Variants in SENP8 observed in about 807,000 individuals in gnomAD.
SENP8 encodes sentrin-specific protease 8.
A neutral mutation model predicts 14.4 loss-of-function variants in SENP8; 10 were observed. The observed-to-expected ratio is 0.69, with a 90% confidence interval of 0.43 to 1.18. The LOEUF (loss-of-function observed/expected upper bound fraction) is 1.18, where lower values mean the gene tolerates loss of function less well. Among genes scored for constraint, SENP8 ranks in the 50% most tolerant of loss-of-function variants. The pLI is 0.00. For missense variants in SENP8, 202 were observed against 249.4 expected (o/e 0.81, Z 1.28); for synonymous variants, 94 against 95.5 (o/e 0.98, Z 0.09).
chr15:72,135,984 G>C (rs892385006), intron 1 of SENP8, among the ~76,000 whole-genome samples: 5 of 152,208 alleles, frequency 3.3e-5, no homozygotes, highest in Admixed American at 1.3e-4. Flanking sequence ...ATGAGAGACA[G>C]ATGCTGTAGC....
At chr15:72,114,554 G>C (rs924885488), upstream of SENP8, 4 of 152,084 alleles carry the variant, frequency 2.6e-5, no homozygotes, top group South Asian at 2.1e-4. Flanking sequence ...GTAGGAAATC[G>C]GGGGGAAGAA....
chr15:72,122,243 T>C (rs1048818282), intron 1 of SENP8, among the ~76,000 whole-genome samples: 4 of 147,304 alleles, frequency 2.7e-5, no homozygotes, highest in African/African-American at 1.0e-4. Context: ...ATCCAGCTAG[T>C]ACCCAAAGTA....
At chr15:72,118,124 C>A (rs1002341971), upstream of SENP8, 3 of 383,338 alleles carry the variant, frequency 7.8e-6, no homozygotes, top group Admixed American at 4.5e-5. Context: ...CGCGACTCCC[C>A]GGCTGCAGGC....
chr15:72,128,530 T>G (rs1179675125), intron 1 of SENP8, among the ~76,000 whole-genome samples: 2 of 152,258 alleles, frequency 1.3e-5, no homozygotes, highest in Non-Finnish European at 2.9e-5. Context: ...TCTGTGAGAT[T>G]CTCATATTTT....
intron 1 of SENP8, among the ~76,000 whole-genome samples, chr15:72,119,980 C>A (rs1423797695): frequency 6.6e-6 from 1 of 152,166 alleles, no homozygotes; most frequent in East Asian, 1.9e-4. Context: ...GCTGTTGTCT[C>A]CAGCCTTAAA....
chr15:72,139,517 T>G, intron 1 of SENP8, 60 bp from the exon 2 acceptor site: 1 of 1,441,412 alleles, frequency 6.9e-7, no homozygotes, highest in Non-Finnish European at 9.4e-7. Flanking sequence ...TAAAAGTAAC[T>G]ACTATTTTCC....
upstream of SENP8, chr15:72,118,309 C>G (rs943148662): frequency 2.1e-5 from 5 of 236,502 alleles, no homozygotes; most frequent in South Asian, 1.8e-4. Flanking sequence ...CTTCACCTTA[C>G]GGCAGAGCAG....
intron 1 of SENP8, among the ~76,000 whole-genome samples, chr15:72,135,915 C>CG (rs1390891811): frequency 6.6e-6 from 1 of 151,992 alleles, no homozygotes; most frequent in African/African-American, 2.4e-5. Context: ...AGTAGGTCTC[C>CG]GGGTTTTTGC....
chr15:72,118,991 A>C (rs2081111272), intron 1 of SENP8, among the ~76,000 whole-genome samples: 1 of 152,216 alleles, frequency 6.6e-6, no homozygotes, highest in African/African-American at 2.4e-5. Flanking sequence ...AAAGCAGAAT[A>C]ACGGGCGCAA....
chr15:72,137,829 G>A (rs1320986275), intron 1 of SENP8, among the ~76,000 whole-genome samples: 4 of 152,130 alleles, frequency 2.6e-5, no homozygotes, highest in Non-Finnish European at 4.4e-5. Flanking sequence ...AGAATTAGCC[G>A]GGTGTTGTGG....
rs1024001922 is a variant in SENP8 at position 72,139,734 on chromosome 15, G to A, written c.111G>A (p.Glu37=). Residue 37 remains glutamate, a synonymous_variant, in exon 2 of 2, where the codon GAG becomes GAA. Transcript: ENST00000340912. ...ACCATATTATTGGGTTTGCGTTTGAGTACTTTGCCAACAGTCAGTTTCATG... is the reference window on the plus strand; with the variant it reads ...ACCATATTATTGGGTTTGCGTTTGAATACTTTGCCAACAGTCAGTTTCATG... The part of the protein sequence containing the change: ...LNDHIIGFAF[E]YFANSQFHDC... The A allele has an allele frequency of 6.2e-7, 1 of 1,614,168 alleles. No homozygotes were observed. The highest frequency in any genetic ancestry group is 8.5e-7 in the Non-Finnish European group (1 of 1,180,034).
intron 1 of SENP8, among the ~76,000 whole-genome samples, chr15:72,124,269 G>A (rs1045591444): frequency 3.9e-5 from 6 of 152,172 alleles, no homozygotes; most frequent in Admixed American, 6.5e-5. Flanking sequence ...ACTCTAGCTT[G>A]TCAGGCACTG....
chr15:72,125,752 T>G (rs767056320), intron 1 of SENP8, among the ~76,000 whole-genome samples: 4 of 152,096 alleles, frequency 2.6e-5, no homozygotes, highest in South Asian at 4.1e-4. Context: ...TGTGTGTGTG[T>G]GCATTAGGAG....
intron 1 of SENP8, among the ~76,000 whole-genome samples, chr15:72,129,536 A>ATT (rs35079066): frequency 1.5e-4 from 16 of 105,432 alleles, no homozygotes; most frequent in East Asian, 1.1e-3. Flanking sequence ...CTAATTTTGT[A>ATT]TTTTTTTTTT....
In SENP8 at chr15:72,141,692, G is replaced by A. The variant is rs1373350901; in HGVS notation, c.*1430G>A. On this transcript the variant is annotated 3_prime_UTR_variant, in exon 2 of 2. Coordinates refer to ENST00000340912, the MANE Select transcript of SENP8 (RefSeq NM_145204.4). Reference sequence around the variant, plus strand: ...ACATAGCAGGCCTGAGTGAGCAGGAGCTGAAACTAAAAGTCAAAGAGAAAG... The same window carrying A: ...ACATAGCAGGCCTGAGTGAGCAGGAACTGAAACTAAAAGTCAAAGAGAAAG... The A allele has an allele frequency of 1.3e-5, 2 of 152,170 alleles. No individual in the cohort carries two copies. The highest frequency in any genetic ancestry group is 3.9e-4 in the East Asian group (2 of 5,194). The allele number at this position is 152,170 out of a possible 1,614,324, so 9.4% of individuals were successfully genotyped here.
At chr15:72,126,924 CTCTT>C in intron 1 of SENP8, among the ~76,000 whole-genome samples, 1 of 152,294 alleles carries the variant, frequency 6.6e-6, no homozygotes, top group South Asian at 2.1e-4. Flanking sequence ...CTGCACCTTT[CTCTT>C]TCAGAGCAGA....
At chr15:72,131,947 T>G (rs928221598) in intron 1 of SENP8, among the ~76,000 whole-genome samples, 2 of 152,212 alleles carry the variant, frequency 1.3e-5, no homozygotes, top group African/African-American at 4.8e-5. Context: ...AACTAAGTTT[T>G]TTTGAGAGCC....
chr15:72,139,465 CTTGTCCAAGGGTCAACTGTG>C, intron 1 of SENP8, 92 bp from the exon 2 acceptor site: 2 of 1,071,524 alleles, frequency 1.9e-6, no homozygotes, highest in Non-Finnish European at 2.7e-6. Context: ...TCAAACCCAC[CTTGTCCAAGGGTCAACTGTG>C]TATTTTTTTA....
At chr15:72,123,918 A>G (rs1284637039) in intron 1 of SENP8, among the ~76,000 whole-genome samples, 2 of 152,214 alleles carry the variant, frequency 1.3e-5, no homozygotes, top group Non-Finnish European at 2.9e-5. Context: ...TTAGCCATTG[A>G]TAGCTGTGCC....
Sources: allele counts gnomAD v4.1 joint callset (sites outside exome capture counted in the v4.1 genomes callset), GRCh38; gene constraint gnomAD v4.1.1; transcripts MANE v1.5; gene names NCBI Gene and HGNC (gene_info 2026-07-23, HGNC 2026-07-21).